LRRC37A2: variants seen among roughly 807,000 people sequenced by gnomAD.
LRRC37A2 encodes leucine rich repeat containing 37 member A2.
A neutral mutation model predicts 68.8 loss-of-function variants in LRRC37A2; 9 were observed. The ratio of observed to expected loss-of-function variants is 0.13; its 90% CI spans 0.08 to 0.23. The LOEUF (loss-of-function observed/expected upper bound fraction) is 0.23. Ranked by LOEUF, LRRC37A2 falls within the 10% of genes least tolerant of loss-of-function variation. The probability of loss-of-function intolerance (pLI) is 1.00; values close to 1 mark genes in which losing one functional copy is unlikely to be tolerated. For synonymous variants in LRRC37A2, 63 were observed against 367.6 expected, an observed-to-expected ratio of 0.17 and a Z score of 9.48; for missense variants, 168 against 950.4, an observed-to-expected ratio of 0.18 and a Z score of 10.82.
At chr17:46,614,549 AG>A in the LRRC37A2 span, among the ~76,000 whole-genome samples, 1 of 29,208 alleles carries the variant, frequency 3.4e-5, no homozygotes, top group Non-Finnish European at 5.5e-5. Context: ...AGATAGCCAT[AG>A]GATGAGAACA....
chr17:46,932,208 G>A, the LRRC37A2 span: 182 of 1,613,970 alleles, frequency 1.1e-4, no homozygotes, highest in Non-Finnish European at 1.5e-4. Context: ...ACGTAAGCCA[G>A]GCCCGTGGTG....
the LRRC37A2 span, chr17:46,923,106 G>A: frequency 2.1e-5 from 20 of 951,822 alleles, no homozygotes; most frequent in Middle Eastern, 2.5e-4. Flanking sequence ...AGGGTCCTGC[G>A]ACCGGAAGCC....
chr17:46,996,633 T>G, the LRRC37A2 span, among the ~76,000 whole-genome samples: 1 of 152,218 alleles, frequency 6.6e-6, no homozygotes, highest in African/African-American at 2.4e-5. Context: ...TTTAGGGCCT[T>G]AAAACAACCA....
chr17:46,540,972 A>AT (rs1336490794), intron 8 of LRRC37A2, 91 bp downstream of exon 7: 25 of 621,188 alleles, frequency 4.0e-5, no homozygotes, highest in Non-Finnish European at 6.1e-5. Flanking sequence ...TTGAGGTATA[A>AT]TTTTCATATA....
the LRRC37A2 span, among the ~76,000 whole-genome samples, chr17:46,821,828 C>T: frequency 6.6e-5 from 10 of 152,194 alleles, no homozygotes; most frequent in Non-Finnish European, 1.3e-4. Context: ...CAGAGTCTGC[C>T]GCTGTGTATT....
the LRRC37A2 span, among the ~76,000 whole-genome samples, chr17:46,895,169 G>C: frequency 6.6e-6 from 1 of 152,242 alleles, no homozygotes; most frequent in Non-Finnish European, 1.5e-5. Flanking sequence ...CAGTCCCCAG[G>C]CATCGCCCTG....
the LRRC37A2 span, chr17:46,713,156 A>G: frequency 2.0e-5 from 3 of 152,268 alleles, no homozygotes; most frequent in Non-Finnish European, 4.4e-5. Context: ...GTTGTTATGT[A>G]TTAAACTGTC....
chr17:46,681,131 T>TA, the LRRC37A2 span, among the ~76,000 whole-genome samples: 4 of 144,736 alleles, frequency 2.8e-5, no homozygotes, highest in Non-Finnish European at 6.3e-5. Flanking sequence ...ATTGTCATGC[T>TA]ATTTGTAATA....
At chr17:47,043,399 T>C in the LRRC37A2 span, among the ~76,000 whole-genome samples, 1 of 150,080 alleles carries the variant, frequency 6.7e-6, no homozygotes, top group Non-Finnish European at 1.5e-5. Context: ...CTCGGGAGGC[T>C]AAGGCAGGAG....
the LRRC37A2 span, among the ~76,000 whole-genome samples, chr17:46,869,892 G>A: frequency 7.2e-5 from 11 of 152,152 alleles, no homozygotes; most frequent in Admixed American, 2.6e-4. Flanking sequence ...CCAGCTACTC[G>A]GGAGGCTGAG....
the LRRC37A2 span, among the ~76,000 whole-genome samples, chr17:46,783,483 C>T: frequency 2.0e-5 from 3 of 152,350 alleles, no homozygotes; most frequent in African/African-American, 7.2e-5. Flanking sequence ...ACCTGAGGAG[C>T]ACCCAGCCCA....
At chr17:46,493,746 C>A in the LRRC37A2 span, among the ~76,000 whole-genome samples, 1 of 150,350 alleles carries the variant, frequency 6.7e-6, no homozygotes, top group South Asian at 2.1e-4. Flanking sequence ...ACCATGTTAG[C>A]CAGGATGGTC....
At chr17:46,965,898 T>C in the LRRC37A2 span, among the ~76,000 whole-genome samples, 1 of 152,004 alleles carries the variant, frequency 6.6e-6, no homozygotes, top group African/African-American at 2.4e-5. Context: ...CCCAAAGTGC[T>C]GGGATTACAG....
the LRRC37A2 span, among the ~76,000 whole-genome samples, chr17:46,853,488 C>G: frequency 2.0e-5 from 3 of 150,850 alleles, no homozygotes; most frequent in Non-Finnish European, 4.4e-5. Flanking sequence ...TCTCCTGCCT[C>G]AGCCTCCTGA....
chr17:46,428,752 CCT>C, the LRRC37A2 span, among the ~76,000 whole-genome samples: 4 of 31,204 alleles, frequency 1.3e-4, no homozygotes, highest in African/African-American at 7.5e-4. Context: ...ACGGTGAAAC[CCT>C]GTCTCTACTA....
the LRRC37A2 span, chr17:47,019,304 C>T: frequency 6.2e-7 from 1 of 1,606,598 alleles, no homozygotes; most frequent in African/African-American, 1.4e-5. Context: ...CACCTTCAGA[C>T]AAGGGTCAGG....
the LRRC37A2 span, among the ~76,000 whole-genome samples, chr17:46,982,587 C>T: frequency 6.6e-6 from 1 of 152,158 alleles, no homozygotes; most frequent in Admixed American, 6.5e-5. Context: ...CTTAAGATCA[C>T]GCAGCTAGTT....
chr17:46,978,923 T>C, the LRRC37A2 span: 2 of 1,463,158 alleles, frequency 1.4e-6, no homozygotes, highest in Middle Eastern at 2.0e-4. Context: ...AGCCCGTGGG[T>C]GCGGTTTCCC....
the LRRC37A2 span, among the ~76,000 whole-genome samples, chr17:46,907,321 C>A: frequency 1.1e-4 from 16 of 152,214 alleles, no homozygotes; most frequent in Non-Finnish European, 1.3e-4. Flanking sequence ...GAAGAAGAAG[C>A]GGAAATGTCA....
Sources: allele counts gnomAD v4.1 joint callset (sites outside exome capture counted in the v4.1 genomes callset), GRCh38; gene constraint gnomAD v4.1.1; transcripts MANE v1.5; gene names NCBI Gene and HGNC (gene_info 2026-07-23, HGNC 2026-07-21).